Variants in COL25A1 observed in about 807,000 individuals in gnomAD.
The protein encoded by COL25A1 is collagen type XXV alpha 1 chain.
In COL25A1, 103 loss-of-function variants were observed where a neutral mutation model predicts 128.4. That is an observed-to-expected ratio of 0.80 (90% CI 0.68 to 0.94). COL25A1 has a LOEUF of 0.94. Among genes scored for constraint, COL25A1 ranks in the 40% least tolerant of loss-of-function variants. The probability of loss-of-function intolerance (pLI) is 0.00; values close to 1 mark genes in which losing one functional copy is unlikely to be tolerated. For missense variants in COL25A1, 745 were observed against 840.0 expected (o/e 0.89, Z 1.40); for synonymous variants, 279 against 277.2 (o/e 1.01, Z -0.06).
chr4:109,114,202 CAATT>C (rs1029483722), intron 3 of COL25A1, among the ~76,000 whole-genome samples: 1 of 151,990 alleles, frequency 6.6e-6, no homozygotes, highest in Non-Finnish European at 1.5e-5. Context: ...AATGAACACT[CAATT>C]AATTATTTAC....
chr4:108,896,747 T>A (rs1311168746), intron 15 of COL25A1, 36 bp from the exon 16 acceptor site: 1 of 1,563,658 alleles, frequency 6.4e-7, no homozygotes, highest in Non-Finnish European at 8.8e-7. Flanking sequence ...GTAAAATACA[T>A]TGGTGACGTC....
In COL25A1 at chr4:109,174,326, TC is replaced by T. The variant is rs139347346; in HGVS notation, c.368-124148del. Among the ~76,000 whole-genome samples the T allele has an allele frequency of 7.7e-3, 1,167 of 152,256 alleles. 59 individuals are homozygous for T. In the South Asian group the frequency reaches 0.14, roughly 18 times the overall value. On this transcript the variant is annotated intron_variant, in intron 3 of 37. Coordinates refer to ENST00000399132, the MANE Select transcript of COL25A1 (RefSeq NM_198721.4). The stretch of plus-strand genomic sequence containing the variant: ...CAAATGGCCAAACTGAAGCTCCCCC[TC>T]CCCATTCTGTCCTGACAGATAAAGT...
intron 3 of COL25A1, among the ~76,000 whole-genome samples, chr4:109,247,216 T>C (rs1780326186): frequency 6.6e-6 from 1 of 151,978 alleles, no homozygotes; most frequent in Admixed American, 6.6e-5. Context: ...TAGCCTGGTG[T>C]GGTTCTGTAA....
chr4:108,848,695 C>A, intron 27 of COL25A1, 64 bp downstream of exon 27: 1 of 1,210,072 alleles, frequency 8.3e-7, no homozygotes, highest in Non-Finnish European at 1.2e-6. Flanking sequence ...TGGCTTCAAA[C>A]CTACAATAAA....
intron 6 of COL25A1, among the ~76,000 whole-genome samples, chr4:108,979,027 T>C (rs963767834): frequency 6.6e-6 from 1 of 152,322 alleles, no homozygotes; most frequent in Middle Eastern, 3.4e-3. Context: ...AAAGTTTTTA[T>C]TTATTAGTGT....
chr4:108,926,184 G>A lies in COL25A1; in HGVS notation c.709-5580C>T, dbSNP rs572738164. On this transcript the variant is annotated intron_variant, in intron 11 of 37. Coordinates refer to ENST00000399132, the MANE Select transcript of COL25A1 (RefSeq NM_198721.4). Reference sequence around the variant, plus strand: ...ACAGGATGCTGAGTTCCTAAATGATGTGCTTTAGGATGCCTCTTGGGACAT... The same window carrying A: ...ACAGGATGCTGAGTTCCTAAATGATATGCTTTAGGATGCCTCTTGGGACAT... Among the ~76,000 whole-genome samples the A allele has an allele frequency of 3.9e-5, 6 of 152,268 alleles. No individual in the cohort carries two copies. In the East Asian group the frequency reaches 1.2e-3, roughly 29 times the overall value.
intron 19 of COL25A1, among the ~76,000 whole-genome samples, chr4:108,881,584 G>A (rs539919410): frequency 7.2e-5 from 11 of 152,194 alleles, no homozygotes; most frequent in Admixed American, 2.0e-4. Context: ...ACTGCTACTC[G>A]TTCAAACTAT....
chr4:108,898,245 G>A (rs1742377018), intron 15 of COL25A1, among the ~76,000 whole-genome samples: 1 of 151,994 alleles, frequency 6.6e-6, no homozygotes, highest in Non-Finnish European at 1.5e-5. Flanking sequence ...TTCCACCCAC[G>A]TATTTTGCTC....
rs572531998 is a variant in COL25A1 at position 109,207,978 on chromosome 4, AG to A, written c.367+92604del. Among the ~76,000 whole-genome samples, 20 of 152,330 alleles carry A rather than the reference AG, an allele frequency of 1.3e-4. No individual in the cohort carries two copies. In the South Asian group the frequency reaches 3.9e-3, roughly 30 times the overall value. On this transcript the variant is annotated intron_variant, in intron 3 of 37. Coordinates refer to ENST00000399132, the MANE Select transcript of COL25A1 (RefSeq NM_198721.4). ...GAAAGACCTCTTCTAGTCTTTCTAA[AG>A]CAGGCTCAATGTAATCACCACTTTT...
chr4:108,899,110 G>T, intron 15 of COL25A1, 44 bp downstream of exon 15: 1 of 1,590,904 alleles, frequency 6.3e-7, no homozygotes, highest in Non-Finnish European at 8.6e-7. Context: ...GTATGCTGGT[G>T]GTGGGGAGTA....
intron 16 of COL25A1, among the ~76,000 whole-genome samples, chr4:108,894,662 C>G (rs966055883): frequency 6.6e-6 from 1 of 152,116 alleles, no homozygotes; most frequent in Non-Finnish European, 1.5e-5. Flanking sequence ...ACATGGCCCA[C>G]AAAATCTAAA....
intron 11 of COL25A1, among the ~76,000 whole-genome samples, chr4:108,925,780 A>G (rs1745981826): frequency 6.6e-6 from 1 of 152,182 alleles, no homozygotes; most frequent in South Asian, 2.1e-4. Context: ...AATAGCCTCC[A>G]GATTAGCTCT....
At chr4:108,904,948 T>TA (rs1743298614) in intron 13 of COL25A1, among the ~76,000 whole-genome samples, 1 of 152,092 alleles carries the variant, frequency 6.6e-6, no homozygotes, top group Non-Finnish European at 1.5e-5. Flanking sequence ...AACTCTAATG[T>TA]AAAACATCAC....
chr4:108,872,693 C>T (rs5007867), intron 19 of COL25A1, among the ~76,000 whole-genome samples: 2 of 47,402 alleles, frequency 4.2e-5, no homozygotes, highest in Non-Finnish European at 5.3e-5. Flanking sequence ...TATATATATA[C>T]ACACACACAC....
At chr4:109,073,095 A>G (rs923395917) in intron 3 of COL25A1, among the ~76,000 whole-genome samples, 5 of 152,066 alleles carry the variant, frequency 3.3e-5, no homozygotes, top group African/African-American at 9.7e-5. Context: ...AATCTGGCCT[A>G]TTTCAGAACC....
chr4:109,274,302 A>T (rs1195255128), intron 3 of COL25A1, among the ~76,000 whole-genome samples: 4 of 152,192 alleles, frequency 2.6e-5, no homozygotes, highest in African/African-American at 9.6e-5. Flanking sequence ...TTTCATCACA[A>T]ATTTCTAAGC....
chr4:109,143,760 C>T (rs539942755), intron 3 of COL25A1, among the ~76,000 whole-genome samples: 4 of 152,048 alleles, frequency 2.6e-5, no homozygotes, highest in Non-Finnish European at 5.9e-5. Context: ...TCTATCAGGT[C>T]ATTTAAACTG....
At chr4:109,274,161 G>A (rs779600749) in intron 3 of COL25A1, among the ~76,000 whole-genome samples, 17 of 151,990 alleles carry the variant, frequency 1.1e-4, no homozygotes, top group Admixed American at 6.6e-4. Context: ...ATTTTTCAAA[G>A]TATCTTTTAT....
rs1578427708 is a variant in COL25A1, at chr4:108,813,821, A to T, written c.*106T>A. On this transcript the variant is annotated 3_prime_UTR_variant, in exon 38 of 38. Transcript: ENST00000399132. ...ACTGCCAGCAGGAAGAAGCAGCCCT[A>T]TGTAAACATATCTCAGACTTGTAAA... The T allele has an allele frequency of 3.5e-6, 3 of 861,072 alleles. No individual in the cohort carries two copies. The East Asian group carries it at 7.3e-5, about 21-fold the overall frequency. 53.3% of individuals were successfully genotyped at this position (861,072 alleles called of 1,614,324 possible). A position where few individuals can be genotyped will look rare whatever the true frequency, so the allele number is the denominator to read the frequency against.
Sources: allele counts gnomAD v4.1 joint callset (sites outside exome capture counted in the v4.1 genomes callset), GRCh38; gene constraint gnomAD v4.1.1; transcripts MANE v1.5; gene names NCBI Gene and HGNC (gene_info 2026-07-23, HGNC 2026-07-21).